The following MDN1 variants were observed in gnomAD, a reference collection of about 807,000 sequenced individuals.
MDN1 encodes the protein midasin.
A neutral mutation model predicts 669.2 loss-of-function variants in MDN1; 266 were observed. The observed-to-expected ratio is 0.40, with a 90% CI of 0.36 to 0.44. The LOEUF (loss-of-function observed/expected upper bound fraction) is 0.44, where lower values mean the gene tolerates loss of function less well. Ranked by LOEUF, MDN1 falls within the 20% of genes least tolerant of loss-of-function variation. The pLI is 1.00. For missense variants in MDN1, 5,940 were observed against 6,754.0 expected (o/e 0.88, Z 4.22); for synonymous variants, 2,385 against 2,457.1 (o/e 0.97, Z 0.87).
intron 5 of MDN1, among the ~76,000 whole-genome samples, chr6:89,790,702 C>T (rs1415948553): frequency 6.6e-6 from 1 of 152,100 alleles, no homozygotes; most frequent in African/African-American, 2.4e-5. Context: ...GACCCCGACT[C>T]TAGAAAAATA....
Position 89,688,067 on chromosome 6 carries a change from T to C in MDN1, c.11355+11A>G. 6.2e-7 allele frequency: 1 copy of C among 1,605,424 alleles called. No individual in the cohort carries two copies. Among genetic ancestry groups the C allele is most frequent in the Non-Finnish European group, 8.5e-7 (1 of 1,172,236 alleles). ...CACCAACTAAAATGAGGAAGAGAGG[T>C]ATTAGCTCACCTGTGCCTTTGCCAG... On this transcript the variant is annotated intron_variant, in intron 67 of 101. Coordinates refer to ENST00000369393, the MANE Select transcript of MDN1 (RefSeq NM_014611.3).
Position 89,772,732 on chromosome 6 carries a change from G to GA in MDN1, c.1935-12dup, listed in dbSNP as rs774995699. ...AAAGTGAACTTCTCCCTGGGAAGGA[G>GA]AAAAAAAGAGTTTAAAAACCACGCT... On this transcript the variant is annotated splice_polypyrimidine_tract_variant and intron_variant, in intron 13 of 101. Coordinates refer to ENST00000369393, the MANE Select transcript of MDN1 (RefSeq NM_014611.3). The GA allele has an allele frequency of 1.8e-5, 29 of 1,607,810 alleles. No individual in the cohort carries two copies. The highest frequency in any genetic ancestry group is 2.2e-5 in the East Asian group (1 of 44,852).
At chr6:89,791,875 A>ATTTTTTTT (rs66492732) in intron 5 of MDN1, among the ~76,000 whole-genome samples, 2 of 114,030 alleles carry the variant, frequency 1.8e-5, no homozygotes, top group East Asian at 2.5e-4. Flanking sequence ...AAAACTTTTA[A>ATTTTTTTT]TTTTTTTTTT....
chr6:89,796,461 G>A (rs1321586492), intron 2 of MDN1, among the ~76,000 whole-genome samples: 1 of 148,268 alleles, frequency 6.7e-6, no homozygotes, highest in Non-Finnish European at 1.5e-5. Flanking sequence ...TCCTACCAAA[G>A]AAAAGCCCAG....
chr6:89,645,282 T>A, intron 100 of MDN1, 125 bp from the exon 101 acceptor site: 1 of 1,020,852 alleles, frequency 9.8e-7, no homozygotes, highest in Non-Finnish European at 1.4e-6. Context: ...AACAGACCTC[T>A]AAAGCTGATG....
At chr6:89,646,137 C>T (rs931477639) in intron 100 of MDN1, among the ~76,000 whole-genome samples, 1 of 152,160 alleles carries the variant, frequency 6.6e-6, no homozygotes, top group African/African-American at 2.4e-5. Flanking sequence ...TTTTGCATCC[C>T]TCAAATGCTG....
chr6:89,657,526 T>G (rs1809404126), intron 90 of MDN1, among the ~76,000 whole-genome samples: 1 of 152,228 alleles, frequency 6.6e-6, no homozygotes, highest in South Asian at 2.1e-4. Context: ...AACCTGATGA[T>G]GAGCAAGGAA....
At chr6:89,671,664 C>G (rs898445284) in intron 82 of MDN1, among the ~76,000 whole-genome samples, 12 of 152,094 alleles carry the variant, frequency 7.9e-5, no homozygotes, top group Non-Finnish European at 1.8e-4. Context: ...CCAGCCTCGA[C>G]AACAGAATGA....
At chr6:89,800,429 A>G (rs1767561651) in intron 2 of MDN1, among the ~76,000 whole-genome samples, 3 of 152,154 alleles carry the variant, frequency 2.0e-5, no homozygotes, top group Admixed American at 2.0e-4. Flanking sequence ...CTCCATCTCA[A>G]AAAAAACAAA....
chr6:89,781,412 C>G lies in MDN1; in HGVS notation c.1630G>C (p.Glu544Gln), dbSNP rs1393803966. Reference protein sequence around the residue: ...ENKRPTLEGRELSLRDLLNWC... With the variant: ...ENKRPTLEGRQLSLRDLLNWC... ...TTAGTCCAGTACCTTAGAGATAATT[C>G]TCTTCCCTCAAGGGTTGGTCTTTTG... is the stretch of plus-strand genomic sequence containing the variant. Residue 544 changes from glutamate (E) to glutamine (Q), a missense_variant, in exon 10 of 102, where the codon GAA (glutamate) becomes CAA (glutamine). Coordinates refer to ENST00000369393, the MANE Select transcript of MDN1 (RefSeq NM_014611.3). 6.2e-7 allele frequency: 1 copy of G among 1,613,732 alleles called. No homozygotes were observed. The highest frequency in any genetic ancestry group is 8.5e-7 in the Non-Finnish European group (1 of 1,179,868).
rs59855758 is a variant in MDN1 at position 89,654,130 on chromosome 6, G to A, written c.15661+34C>T. 263,912 of 1,611,182 alleles carry A rather than the reference G, an allele frequency of 0.16. 23,144 individuals are homozygous for A. Among genetic ancestry groups the A allele is most frequent in the Non-Finnish European group, 0.18 (209,197 of 1,178,274 alleles). ...AGAACTGACTACTTCAAGTCAGAGC[G>A]CCTGGGAAGGGTTTGTTCACTAGCA... On this transcript the variant is annotated intron_variant, in intron 93 of 101. Transcript: ENST00000369393.
At chr6:89,743,496 C>G in intron 30 of MDN1, 80 bp downstream of exon 30, 1 of 1,509,700 alleles carries the variant, frequency 6.6e-7, no homozygotes, top group Admixed American at 2.0e-5. Context: ...CAGAACCCAG[C>G]TCCAGAAACC....
intron 6 of MDN1, 75 bp downstream of exon 6, chr6:89,790,084 C>CT (rs1261817671): frequency 5.6e-6 from 9 of 1,604,924 alleles, no homozygotes; most frequent in South Asian, 1.1e-5. Context: ...GTTATATTCC[C>CT]TTAGCAAAAG....
Position 89,646,549 on chromosome 6 carries a change from T to G in MDN1, c.16450A>C (p.Ile5484Leu), listed in dbSNP as rs1808502591. Reference sequence around the variant, plus strand: ...AAGGCATGCAGCTCACCTGAACTGATGTTCTGCGAGAGCTGCTGAGCAGCT... The same window carrying G: ...AAGGCATGCAGCTCACCTGAACTGAGGTTCTGCGAGAGCTGCTGAGCAGCT... ...FAAAQQLSQNISSETAQLLLV... is the reference protein window; with the variant it reads ...FAAAQQLSQNLSSETAQLLLV... Residue 5484 changes from isoleucine to leucine, a missense_variant, in exon 100 of 102, where the codon ATC becomes CTC. Physicochemically the swap from Ile to Leu is conservative, Grantham distance 5. Coordinates refer to ENST00000369393, the MANE Select transcript of MDN1 (RefSeq NM_014611.3). 6.2e-7 allele frequency: 1 copy of G among 1,614,134 alleles called. No individual in the cohort carries two copies. Among genetic ancestry groups the G allele is most frequent in the Non-Finnish European group, 8.5e-7 (1 of 1,179,948 alleles).
At chr6:89,648,617 C>T (rs1261433390) in intron 97 of MDN1, among the ~76,000 whole-genome samples, 2 of 151,852 alleles carry the variant, frequency 1.3e-5, no homozygotes, top group Non-Finnish European at 2.9e-5. Context: ...CCTGTAATCC[C>T]AGCACTTTGG....
At chr6:89,730,984 A>G in intron 34 of MDN1, 61 bp from the exon 35 acceptor site, 7 of 1,458,742 alleles carry the variant, frequency 4.8e-6, no homozygotes, top group Non-Finnish European at 6.6e-6. Flanking sequence ...ACCACCATTA[A>G]GCAGGAGCTC....
chr6:89,675,732 C>T (rs1218658828), intron 77 of MDN1, 153 bp from the exon 78 acceptor site: 5 of 620,156 alleles, frequency 8.1e-6, no homozygotes, highest in Non-Finnish European at 1.4e-5. Context: ...TCCAATTATG[C>T]TTGCACAGAT....
At chr6:89,775,774 CT>C (rs1464568346) in intron 12 of MDN1, among the ~76,000 whole-genome samples, 1 of 152,120 alleles carries the variant, frequency 6.6e-6, no homozygotes, top group Non-Finnish European at 1.5e-5. Context: ...CAACCTCTGC[CT>C]CCTAGGTTCA....
At chr6:89,742,040 G>A (rs991945155) in intron 31 of MDN1, among the ~76,000 whole-genome samples, 2 of 152,138 alleles carry the variant, frequency 1.3e-5, no homozygotes, top group Non-Finnish European at 2.9e-5. Context: ...GGCAGAGGTT[G>A]CAGTGGGCCA....
Sources: allele counts gnomAD v4.1 joint callset (sites outside exome capture counted in the v4.1 genomes callset), GRCh38; gene constraint gnomAD v4.1.1; transcripts MANE v1.5; gene names NCBI Gene and HGNC (gene_info 2026-07-23, HGNC 2026-07-21).